The following WDR62 variants were observed in gnomAD, a reference collection of about 807,000 sequenced individuals.
WDR62 encodes WD repeat domain 62, also known as WD repeat-containing protein 62.
In WDR62, 112 loss-of-function variants were observed where a neutral mutation model predicts 160.6. The observed-to-expected ratio is 0.70, with a 90% CI of 0.60 to 0.82. The LOEUF is 0.82. Among genes scored for constraint, WDR62 ranks in the 40% least tolerant of loss-of-function variants. The pLI is 0.00. For missense variants in WDR62, 1,819 were observed against 1,983.8 expected (o/e 0.92, Z 1.58); for synonymous variants, 792 against 815.1 (o/e 0.97, Z 0.48).
intron 10 of WDR62, among the ~76,000 whole-genome samples, chr19:36,082,169 G>A (rs1400639726): frequency 1.3e-5 from 2 of 152,224 alleles, no homozygotes; most frequent in Non-Finnish European, 2.9e-5. Flanking sequence ...CTTCTGTCCT[G>A]TGGCACACAC....
In WDR62 at chr19:36,104,798, C is replaced by T; in HGVS notation, c.4342C>T (p.Gln1448Ter). The part of the protein sequence containing the change: ...LVSSGQVDTG[Q>*]QQARTELVST... ...CTCCAGTGGCCAGGTGGACACCGGG[C>T]AGCAGCAGGCACGGACTGAGCTGGT... The change falls in exon 32 of 32, where the codon CAG (glutamine) becomes TAG (stop). Residue 1448 changes from glutamine (Q) to a stop codon, truncating the protein, a stop_gained. Coordinates refer to ENST00000401500, the MANE Select transcript of WDR62 (RefSeq NM_001083961.2). LOFTEE classifies it low-confidence loss of function (END_TRUNC). The T allele has an allele frequency of 8.1e-6, 13 of 1,613,684 alleles. No individual in the cohort carries two copies. The highest frequency in any genetic ancestry group is 1.0e-5 in the Non-Finnish European group (12 of 1,180,024).
intron 21 of WDR62, among the ~76,000 whole-genome samples, chr19:36,097,747 G>T (rs1223849876): frequency 6.6e-6 from 1 of 151,306 alleles, no homozygotes; most frequent in African/African-American, 2.4e-5. Flanking sequence ...AGCCAGGCAT[G>T]GTGGTGCATA....
At chr19:36,109,235 T>G (rs955387006), downstream of WDR62, among the ~76,000 whole-genome samples, 1 of 152,168 alleles carries the variant, frequency 6.6e-6, no homozygotes, top group Non-Finnish European at 1.5e-5. Context: ...CTGAAACCTT[T>G]CAGCGCTTAT....
At chr19:36,082,852 G>A (rs1236502046) in intron 10 of WDR62, among the ~76,000 whole-genome samples, 2 of 152,156 alleles carry the variant, frequency 1.3e-5, no homozygotes, top group East Asian at 1.9e-4. Flanking sequence ...AGAAGAATAC[G>A]TGCTTGCTTT....
intron 18 of WDR62, among the ~76,000 whole-genome samples, 174 bp from the exon 19 acceptor site, chr19:36,092,515 G>T (rs1428892494): frequency 6.8e-6 from 1 of 147,606 alleles, no homozygotes. Context: ...TGGGCCCAGG[G>T]TGTGGATGTG....
At chr19:36,066,721 G>A (rs1000242418) in intron 5 of WDR62, among the ~76,000 whole-genome samples, 1 of 152,166 alleles carries the variant, frequency 6.6e-6, no homozygotes, top group Non-Finnish European at 1.5e-5. Flanking sequence ...TACTTATCTT[G>A]TTGAGTTGTG....
At chr19:36,090,361 G>A (rs3746271) in intron 15 of WDR62, 84 bp from the exon 16 acceptor site, 41 of 1,326,084 alleles carry the variant, frequency 3.1e-5, no homozygotes, top group Middle Eastern at 1.8e-4. Context: ...GGCTTCCAGG[G>A]GAGGGGAGGA....
chr19:36,101,810 T>A (rs1460779713), intron 25 of WDR62, 36 bp downstream of exon 25: 4 of 1,535,818 alleles, frequency 2.6e-6, no homozygotes, highest in Non-Finnish European at 3.5e-6. Flanking sequence ...GACTCGCTGC[T>A]CGGGCCTGGC....
chr19:36,098,496 C>T (rs1261711163), intron 21 of WDR62, among the ~76,000 whole-genome samples: 1 of 149,678 alleles, frequency 6.7e-6, no homozygotes, highest in African/African-American at 2.5e-5. Context: ...ACCCAGGAGG[C>T]AGAGGTTACA....
chr19:36,084,629 C>T (rs1471229667), intron 11 of WDR62, 24 bp from the exon 12 acceptor site: 1 of 1,612,248 alleles, frequency 6.2e-7, no homozygotes. Flanking sequence ...TGTGGGGCTT[C>T]AGCGGGCGGT....
At chr19:36,076,109 T>TGA (rs1971558318) in intron 9 of WDR62, 2 of 152,322 alleles carry the variant, frequency 1.3e-5, no homozygotes, top group South Asian at 4.1e-4. Context: ...CTTTGGCCAG[T>TGA]GAGAGCCTCT....
At chr19:36,093,182 C>T (rs572281392) in intron 19 of WDR62, among the ~76,000 whole-genome samples, 87 of 152,222 alleles carry the variant, frequency 5.7e-4, no homozygotes, top group African/African-American at 2.0e-3. Flanking sequence ...TGGCGAGCCT[C>T]TCAGCACTGT....
rs911419770 is a variant in WDR62, at chr19:36,060,230, G to T, written c.332+200G>T. Reference sequence around the variant, plus strand: ...ACCAGAGGAGACGAGAATCTCTGCTGGCTAGAGCGAGACAGACTGTAAACT... The same window carrying T: ...ACCAGAGGAGACGAGAATCTCTGCTTGCTAGAGCGAGACAGACTGTAAACT... On this transcript the variant is annotated intron_variant, in intron 3 of 31. Coordinates refer to ENST00000401500, the MANE Select transcript of WDR62 (RefSeq NM_001083961.2). 6.8e-5 allele frequency: 43 copies of T among 627,780 alleles called. No homozygotes were observed. In the African/African-American group the frequency reaches 6.9e-4, roughly 10 times the overall value. The allele number at this position is 627,780 out of a possible 1,614,324, so 38.9% of individuals were successfully genotyped here.
chr19:36,073,779 A>G, intron 9 of WDR62: 1 of 556,588 alleles, frequency 1.8e-6, no homozygotes, highest in Non-Finnish European at 3.4e-6. Flanking sequence ...CTCTGAAGAA[A>G]AATGAGGCGG....
In WDR62 at chr19:36,102,120, C is replaced by G; in HGVS notation, c.3189C>G (p.His1063Gln). The change falls in exon 26 of 32, where the codon CAC becomes CAG. Residue 1063 changes from histidine to glutamine, a missense_variant. Physicochemically the swap from His to Gln is conservative, Grantham distance 24. Transcript: ENST00000401500. ...TPEQEKFLRH[H>Q]FETLTESPCR... ...AGCAGGAGAAGTTCCTCCGCCACCA[C>G]TTTGAGACACTGACTGAGTCCCCCT... 6.2e-7 allele frequency: 1 copy of G among 1,614,150 alleles called. No homozygotes were observed. Among genetic ancestry groups the G allele is most frequent in the Non-Finnish European group, 8.5e-7 (1 of 1,180,052 alleles).
chr19:36,101,929 TG>T, intron 25 of WDR62, 84 bp from the exon 26 acceptor site: 6 of 1,601,814 alleles, frequency 3.7e-6, no homozygotes, highest in Non-Finnish European at 5.1e-6. Context: ...CAGGGATGGG[TG>T]GGGCCCGCTT....
In WDR62 at chr19:36,082,863, A is replaced by G. The variant is rs117204050; in HGVS notation, c.1372-200A>G. On this transcript the variant is annotated intron_variant, in intron 10 of 31. Coordinates refer to ENST00000401500, the MANE Select transcript of WDR62 (RefSeq NM_001083961.2). ...CAGCAGAAGAATACGTGCTTGCTTT[A>G]TATTTAATAGTTCAGAATTTATTCA... 4.0e-3 allele frequency among the ~76,000 whole-genome samples: 615 copies of G among 152,332 alleles called. 5 individuals are homozygous for G. The highest frequency in any genetic ancestry group is 3.8e-3 in the Non-Finnish European group (258 of 68,032).
intron 12 of WDR62, 96 bp downstream of exon 12, chr19:36,084,840 G>A (rs1972115482): frequency 5.1e-6 from 6 of 1,173,380 alleles, no homozygotes; most frequent in Non-Finnish European, 7.5e-6. Flanking sequence ...GTGGGACTGT[G>A]GATGACAGCT....
At chr19:36,085,669 C>A (rs1220747684) in intron 12 of WDR62, among the ~76,000 whole-genome samples, 1 of 151,932 alleles carries the variant, frequency 6.6e-6, no homozygotes, top group East Asian at 1.9e-4. Context: ...AAGGCTAGGA[C>A]CATAGTAGGG....
Sources: gnomAD v4.1 joint callset for allele counts (sites outside exome capture counted in the v4.1 genomes callset) on GRCh38, gnomAD v4.1.1 for gene constraint, MANE v1.5 for transcripts, NCBI Gene and HGNC (gene_info 2026-07-23, HGNC 2026-07-21) for gene names.